The following KIR2DL3 variants were observed in gnomAD, a reference collection of about 807,000 sequenced individuals.
KIR2DL3 encodes killer cell immunoglobulin like receptor, two Ig domains and long cytoplasmic tail 3.
A neutral mutation model predicts 33.8 loss-of-function variants in KIR2DL3; 39 were observed. The ratio of observed to expected loss-of-function variants is 1.15; its 90% CI spans 0.89 to 1.51. The LOEUF (loss-of-function observed/expected upper bound fraction) is 1.51. Ranked by LOEUF, KIR2DL3 falls within the 40% of genes most tolerant of loss-of-function variation. KIR2DL3 has a pLI of 0.00. For synonymous variants in KIR2DL3, 174 were observed against 160.2 expected (o/e 1.09, Z -0.65); for missense variants, 462 against 426.2 (o/e 1.08, Z -0.74).
At chr19:54,748,184 A>G (rs2072858853) in intron 5 of KIR2DL3, among the ~76,000 whole-genome samples, 1 of 150,872 alleles carries the variant, frequency 6.6e-6, no homozygotes, top group South Asian at 2.1e-4. Flanking sequence ...CACATCTCAC[A>G]TGGCATCACT....
chr19:54,749,153 A>C (rs1399622572), intron 5 of KIR2DL3, among the ~76,000 whole-genome samples: 5 of 150,580 alleles, frequency 3.3e-5, no homozygotes, highest in South Asian at 2.1e-4. Flanking sequence ...TGATGTGGGG[A>C]GAATGACAAG....
chr19:54,745,163 G>A (rs554031027), intron 4 of KIR2DL3, among the ~76,000 whole-genome samples: 403 of 151,496 alleles, frequency 2.7e-3, no homozygotes, highest in African/African-American at 9.0e-3. Flanking sequence ...TCCACTGTGC[G>A]TATGTACTAC....
At chr19:54,751,835 C>T (rs1196916246) in intron 6 of KIR2DL3, 82 bp downstream of exon 6, 2 of 1,176,170 alleles carry the variant, frequency 1.7e-6, no homozygotes, top group Non-Finnish European at 1.2e-6. Context: ...GTGTTCCTCA[C>T]AGACAGGATG....
intron 4 of KIR2DL3, among the ~76,000 whole-genome samples, chr19:54,746,286 G>C (rs2072475422): frequency 7.4e-6 from 1 of 134,586 alleles, no homozygotes; most frequent in Non-Finnish European, 1.6e-5. Context: ...TATATTTCTA[G>C]TTATTAATCC....
rs1177112432 is a variant in KIR2DL3, at chr19:54,744,921, C to CATATATATAT, written c.664+858_664+867dup. 1.7e-3 allele frequency among the ~76,000 whole-genome samples: 42 copies of CATATATATAT among 25,264 alleles called. 1 individual carries two copies. Among genetic ancestry groups the CATATATATAT allele is most frequent in the Non-Finnish European group, 2.2e-3 (29 of 13,014 alleles). The allele number at this position is 25,264 out of a possible 152,430, so 16.6% of individuals were successfully genotyped here. A position where few individuals can be genotyped will look rare whatever the true frequency, so the allele number is the denominator to read the frequency against. On this transcript the variant is annotated intron_variant, in intron 4 of 7. Transcript: ENST00000342376. ...ATACACACACACACACATATATAAA[C>CATATATATAT]ATATATATATATATATATATATATA...
chr19:54,748,242 C>T (rs1445327749), intron 5 of KIR2DL3, among the ~76,000 whole-genome samples: 1 of 151,868 alleles, frequency 6.6e-6, no homozygotes, highest in Non-Finnish European at 1.5e-5. Flanking sequence ...GCTGCTCTCC[C>T]TTCTTCCTTA....
intron 3 of KIR2DL3, among the ~76,000 whole-genome samples, chr19:54,743,398 TG>T (rs1210813351): frequency 5.3e-5 from 8 of 152,070 alleles, no homozygotes; most frequent in African/African-American, 1.5e-4. Flanking sequence ...TAGATATAGA[TG>T]ACAGGTAGAG....
In KIR2DL3 at chr19:54,747,310, A is replaced by G. The variant is rs1412845223; in HGVS notation, c.665-25A>G. On this transcript the variant is annotated intron_variant, in intron 4 of 7. Transcript: ENST00000342376. ...AGAGGACAGACACCCTCATTTCCTC[A>G]CCTCTCTCCTGTCTCGTGTTCTAGG... is the stretch of plus-strand genomic sequence containing the variant. 5 of 1,609,370 alleles carry G rather than the reference A, an allele frequency of 3.1e-6. No homozygotes were observed. The East Asian group carries it at 1.1e-4, about 36-fold the overall frequency.
At chr19:54,740,558 G>A (rs2070850485) in intron 2 of KIR2DL3, among the ~76,000 whole-genome samples, 1 of 150,878 alleles carries the variant, frequency 6.6e-6, no homozygotes, top group African/African-American at 2.5e-5. Context: ...ATAGGTCAGA[G>A]GGCTCCTGTC....
Position 54,752,689 on chromosome 19 carries a change from C to T in KIR2DL3, c.*170C>T, listed in dbSNP as rs1175049611. ...CATCGCTCTTCCTCACACCACAAATCTGAACGTGCCTCTCCCTTGCTTACA... is the reference window on the plus strand; with the variant it reads ...CATCGCTCTTCCTCACACCACAAATTTGAACGTGCCTCTCCCTTGCTTACA... On this transcript the variant is annotated 3_prime_UTR_variant, in exon 8 of 8. Coordinates refer to ENST00000342376, the MANE Select transcript of KIR2DL3 (RefSeq NM_015868.3). 13 of 992,486 alleles carry T rather than the reference C, an allele frequency of 1.3e-5. 1 individual carries two copies. In the East Asian group the frequency reaches 3.1e-4, roughly 23 times the overall value. The allele number at this position is 992,486 out of a possible 1,614,324, so 61.5% of individuals were successfully genotyped here.
At position 54,752,259 on chromosome 19, in the gene KIR2DL3, G is replaced by C. The variant is rs1466246036; in HGVS notation, c.864G>C (p.Val288=). The change falls in exon 7 of 8, where the codon GTG becomes GTC. Residue 288 remains valine, a synonymous_variant. Transcript: ENST00000342376. The part of the protein sequence containing the change: ...MDQEPAGNRT[V]NREDSDEQDP... The stretch of plus-strand genomic sequence containing the variant: ...AAGAGCCTGCAGGGAACAGAACAGT[G>C]AACAGGGAGGTAGGTGCTCCTCGGC... 4.7e-6 allele frequency: 7 copies of C among 1,482,850 alleles called. No individual in the cohort carries two copies. Among genetic ancestry groups the C allele is most frequent in the East Asian group, 2.3e-5 (1 of 44,336 alleles). The allele number at this position is 1,482,850 out of a possible 1,614,324, so 91.9% of individuals were successfully genotyped here. A position where few individuals can be genotyped will look rare whatever the true frequency, so the allele number is the denominator to read the frequency against.
chr19:54,739,672 T>C (rs554700818), intron 2 of KIR2DL3, 130 bp downstream of exon 2: 20 of 1,380,440 alleles, frequency 1.4e-5, no homozygotes, highest in Admixed American at 1.3e-4. Context: ...TCAGCCCACA[T>C]TTCTGACCTC....
intron 4 of KIR2DL3, among the ~76,000 whole-genome samples, chr19:54,746,894 AT>A (rs1306235029): frequency 4.3e-3 from 570 of 133,434 alleles, no homozygotes; most frequent in Middle Eastern, 0.017. Context: ...AGGCCAGAGA[AT>A]TGATTGAACC....
intron 4 of KIR2DL3, among the ~76,000 whole-genome samples, chr19:54,746,591 A>C (rs950604351): frequency 2.0e-5 from 3 of 148,236 alleles, no homozygotes; most frequent in African/African-American, 7.4e-5. Flanking sequence ...GTAGAGGTGC[A>C]GTTTCATTCC....
intron 1 of KIR2DL3, among the ~76,000 whole-genome samples, chr19:54,738,958 A>G (rs1298366601): frequency 1.5e-5 from 1 of 66,842 alleles, no homozygotes; most frequent in African/African-American, 5.8e-5. Context: ...AGGTGGAGAT[A>G]TGGGCCTGGA....
intron 7 of KIR2DL3, 39 bp from the exon 8 acceptor site, chr19:54,752,328 G>T: frequency 6.7e-7 from 1 of 1,483,204 alleles, no homozygotes; most frequent in Non-Finnish European, 9.2e-7. Flanking sequence ...CCTGGAAAAT[G>T]TGAGCACCCT....
At chr19:54,748,061 C>T (rs2147141535) in intron 5 of KIR2DL3, among the ~76,000 whole-genome samples, 1 of 151,574 alleles carries the variant, frequency 6.6e-6, no homozygotes, top group South Asian at 2.1e-4. Context: ...GGCTGCCTTC[C>T]CTCTGAGGAT....
intron 4 of KIR2DL3, among the ~76,000 whole-genome samples, 174 bp from the exon 5 acceptor site, chr19:54,747,161 G>C (rs1189856722): frequency 1.4e-5 from 2 of 146,756 alleles, no homozygotes; most frequent in South Asian, 2.2e-4. Context: ...TTTATACCTT[G>C]AAGTCTCAAG....
intron 2 of KIR2DL3, among the ~76,000 whole-genome samples, chr19:54,740,285 C>T (rs1358864001): frequency 1.3e-5 from 2 of 151,992 alleles, no homozygotes; most frequent in Non-Finnish European, 2.9e-5. Flanking sequence ...CAGGACAAGC[C>T]CTTGCTGTCT....
Sources: allele counts gnomAD v4.1 joint callset (sites outside exome capture counted in the v4.1 genomes callset), GRCh38; gene constraint gnomAD v4.1.1; transcripts MANE v1.5; gene names NCBI Gene and HGNC (gene_info 2026-07-23, HGNC 2026-07-21).